DMBT1: variants seen among roughly 807,000 people sequenced by gnomAD.
The protein encoded by DMBT1 is scavenger receptor cysteine-rich domain-containing protein DMBT1.
In DMBT1, 198 loss-of-function variants were observed where a neutral mutation model predicts 252.9. The observed-to-expected ratio is 0.78, with a 90% CI of 0.70 to 0.88. DMBT1 has a LOEUF of 0.88. DMBT1 is among the 40% of genes least tolerant of loss of function. The pLI, the probability that DMBT1 is intolerant of heterozygous loss-of-function variation, is 0.00. For synonymous variants in DMBT1, 990 were observed against 942.7 expected (o/e 1.05, Z -0.92); for missense variants, 2,432 against 2,404.7 (o/e 1.01, Z -0.24).
chr10:122,570,898 T>C lies in DMBT1; in HGVS notation c.148T>C (p.Phe50Leu). The C allele has an allele frequency of 1.2e-6, 2 of 1,613,314 alleles. No homozygotes were observed. Among genetic ancestry groups the C allele is most frequent in the South Asian group, 1.1e-5 (1 of 91,060 alleles). The change falls in exon 4 of 56, where the codon TTT becomes CTT. Residue 50 changes from phenylalanine to leucine, a missense_variant. Physicochemically the swap from Phe to Leu is conservative, Grantham distance 22. Around this residue, in one of 3 missense-constraint regions of DMBT1, gnomAD observed 1,264 missense variants for 1,082.2 expected, o/e 1.17. Transcript: ENST00000338354. ...LDPTVAEGSPFPSESTLESTV... is the reference protein window; with the variant it reads ...LDPTVAEGSPLPSESTLESTV... ...CTTTCTCCACCCTGCAGGTTCTCCA[T>C]TTCCCTCGGAGTCGACCCTGGAGTC...
intron 9 of DMBT1, 132 bp from the exon 10 acceptor site, chr10:122,579,445 CT>C (rs2097745447): frequency 6.5e-7 from 1 of 1,546,466 alleles, no homozygotes; most frequent in Non-Finnish European, 8.8e-7. Context: ...GAAGCCTAGT[CT>C]GTGGTCATAT....
intron 27 of DMBT1, among the ~76,000 whole-genome samples, chr10:122,600,503 A>G (rs2133612715): frequency 6.6e-6 from 1 of 152,294 alleles, no homozygotes; most frequent in East Asian, 1.9e-4. Flanking sequence ...ACTGCTGGAA[A>G]CATTCCGAGA....
At position 122,588,232 on chromosome 10, in the gene DMBT1, G is replaced by C. The variant is rs185003445; in HGVS notation, c.1784-712G>C. Reference sequence around the variant, plus strand: ...TGGACAAATGTTTTTTTCTGAAAATGAGAGGATGAGGGTCAGGGTGGGTCC... The same window carrying C: ...TGGACAAATGTTTTTTTCTGAAAATCAGAGGATGAGGGTCAGGGTGGGTCC... On this transcript the variant is annotated intron_variant, in intron 16 of 55. Coordinates refer to ENST00000338354, the MANE Select transcript of DMBT1 (RefSeq NM_001377530.1). Among the ~76,000 whole-genome samples the C allele has an allele frequency of 3.6e-4, 54 of 148,166 alleles. 6 individuals carry two copies. Among genetic ancestry groups the C allele is most frequent in the Non-Finnish European group, 6.6e-4 (44 of 66,548 alleles).
rs1844283970 is a variant in DMBT1, at chr10:122,640,281, T to C, written c.7184T>C (p.Leu2395Ser). 6.2e-7 allele frequency: 1 copy of C among 1,613,936 alleles called. No individual in the cohort carries two copies. The highest frequency in any genetic ancestry group is 1.3e-5 in the African/African-American group (1 of 74,942). ...TCCTTTTATACTTCCTCATCTTTCTTGTATCCTGTGACCAGCCGCCCTTAC... is the reference window on the plus strand; with the variant it reads ...TCCTTTTATACTTCCTCATCTTTCTCGTATCCTGTGACCAGCCGCCCTTAC... ...NISFYTSSSF[L>S]YPVTSRPYYV... is the part of the protein sequence containing the mutation. Residue 2395 changes from leucine to serine, a missense_variant, in exon 55 of 56, where the codon TTG becomes TCG. Physicochemically the swap from Leu to Ser is moderately radical, Grantham distance 145. Around this residue, in one of 3 missense-constraint regions of DMBT1, gnomAD observed 1,162 missense variants for 1,169.0 expected, o/e 0.99. Transcript: ENST00000338354.
intron 1 of DMBT1, among the ~76,000 whole-genome samples, chr10:122,561,311 T>C (rs2097543559): frequency 6.6e-6 from 1 of 152,190 alleles, no homozygotes; most frequent in Admixed American, 6.5e-5. Context: ...GGTCAAGTAA[T>C]TGAGCGCAGA....
At chr10:122,621,882 C>T (rs2098073310) in intron 44 of DMBT1, among the ~76,000 whole-genome samples, 1 of 152,158 alleles carries the variant, frequency 6.6e-6, no homozygotes, top group Non-Finnish European at 1.5e-5. Flanking sequence ...TGACCTGGGT[C>T]TTGGTCAGTT....
In DMBT1 at chr10:122,590,611, T is replaced by A. The variant is rs2097842183; in HGVS notation, c.2108-54T>A. 3 of 1,574,324 alleles carry A rather than the reference T, an allele frequency of 1.9e-6. No homozygotes were observed. In the Admixed American group the frequency reaches 5.0e-5, roughly 26 times the overall value. On this transcript the variant is annotated intron_variant, in intron 17 of 55. Transcript: ENST00000338354. ...AGTTTAGTTCCTTGTACCTTTGTTC[T>A]GGTTTTGCCAGCTTCTGTATAGTGC...
chr10:122,593,425 A>G, intron 20 of DMBT1, 144 bp from the exon 21 acceptor site: 1 of 1,049,396 alleles, frequency 9.5e-7, no homozygotes, highest in East Asian at 2.6e-5. Flanking sequence ...CTCTGTGGGG[A>G]TGTGCATGGC....
intron 27 of DMBT1, 21 bp downstream of exon 27, chr10:122,600,114 C>T: frequency 6.2e-7 from 1 of 1,604,316 alleles, no homozygotes; most frequent in African/African-American, 1.4e-5. Context: ...AGTGTCCTTC[C>T]TCAAAATGTC....
At chr10:122,599,893 A>G (rs2097924337) in intron 26 of DMBT1, among the ~76,000 whole-genome samples, 171 bp from the exon 27 acceptor site, 2 of 151,686 alleles carry the variant, frequency 1.3e-5, no homozygotes, top group South Asian at 2.1e-4. Context: ...ATCTGCCTCG[A>G]CCCCTTACAT....
Position 122,631,359 on chromosome 10 carries a change from G to A in DMBT1, c.6346+78G>A, listed in dbSNP as rs2098163692. 2.9e-5 allele frequency: 44 copies of A among 1,543,764 alleles called. No individual in the cohort carries two copies. The South Asian group carries it at 4.7e-4, about 17-fold the overall frequency. On this transcript the variant is annotated intron_variant, in intron 49 of 55. Transcript: ENST00000338354. The stretch of plus-strand genomic sequence containing the variant: ...AAGAGCTTAAGGCCAGTGGCTGATG[G>A]TGTCTGTGGCCCAGGCAGGAGCTGG...
chr10:122,631,781 A>C, intron 49 of DMBT1, 74 bp from the exon 50 acceptor site: 6 of 1,518,840 alleles, frequency 4.0e-6, no homozygotes, highest in African/African-American at 1.4e-5. Context: ...ATGTAAGTGT[A>C]TCTCTGTCTC....
At chr10:122,620,379 TG>T (rs1288745886) in intron 43 of DMBT1, 88 bp downstream of exon 43, 3 of 1,494,888 alleles carry the variant, frequency 2.0e-6, no homozygotes, top group Non-Finnish European at 2.8e-6. Flanking sequence ...AGGCTCAAGC[TG>T]GCGCCTCTGT....
Position 122,579,894 on chromosome 10 carries a change from C to T in DMBT1, c.996C>T (p.Ile332=). The stretch of plus-strand genomic sequence containing the variant: ...GCCATAGTGAAGACGCTGGTGTCAT[C>T]TGCTCAGGTGGGCCTTCAAGAACTT... ...NCGHSEDAGV[I]CSAPQSRPTP... Residue 332 remains isoleucine (I), a synonymous_variant, in exon 10 of 56, where the codon ATC becomes ATT. Transcript: ENST00000338354. 1.2e-6 allele frequency: 2 copies of T among 1,613,850 alleles called. No individual in the cohort carries two copies. Among genetic ancestry groups the T allele is most frequent in the Non-Finnish European group, 8.5e-7 (1 of 1,179,776 alleles).
At chr10:122,620,182 TC>T (rs923134788) in intron 42 of DMBT1, 70 bp from the exon 43 acceptor site, 13 of 1,518,624 alleles carry the variant, frequency 8.6e-6, no homozygotes, top group Non-Finnish European at 1.2e-5. Flanking sequence ...CTTGCCTGGT[TC>T]AGAGATTTTT....
At position 122,630,489 on chromosome 10, in the gene DMBT1, C is replaced by A. The variant is rs200827766; in HGVS notation, c.6024C>A (p.Ser2008Arg). Residue 2008 changes from serine to arginine, a missense_variant and splice_region_variant, in exon 48 of 56, where the codon AGC (serine) becomes AGA (arginine). By Grantham distance (110) the Ser-to-Arg change is moderately radical. Around this residue, in one of 3 missense-constraint regions of DMBT1, gnomAD observed 1,162 missense variants for 1,169.0 expected, o/e 0.99. Transcript: ENST00000338354. The stretch of plus-strand genomic sequence containing the variant: ...TGGCTTGGTATAACTCCTTCCCAAG[C>A]GGTAAGTGCACACTAGACCATGCCT... ...GFLAWYNSFP[S>R]DATLRLVNLN... 1.5e-3 allele frequency: 2,420 copies of A among 1,613,874 alleles called. 7 individuals carry two copies. The highest frequency in any genetic ancestry group is 1.9e-3 in the Non-Finnish European group (2,289 of 1,179,826).
At chr10:122,565,868 C>A in intron 1 of DMBT1, 99 bp from the exon 2 acceptor site, 2 of 1,181,232 alleles carry the variant, frequency 1.7e-6, no homozygotes, top group East Asian at 2.5e-5. Context: ...CCACAGCGCC[C>A]TCTGGTGTGA....
chr10:122,597,811 C>G (rs767878322), intron 24 of DMBT1, among the ~76,000 whole-genome samples, 163 bp from the exon 25 acceptor site: 6 of 152,178 alleles, frequency 3.9e-5, no homozygotes, highest in Non-Finnish European at 7.3e-5. Flanking sequence ...ATGACCCTTG[C>G]TGAGCTTGCT....
chr10:122,572,354 A>C lies in DMBT1; in HGVS notation c.228A>C (p.Val76=). The C allele has an allele frequency of 6.2e-7, 1 of 1,613,086 alleles. No individual in the cohort carries two copies. Among genetic ancestry groups the C allele is most frequent in the Non-Finnish European group, 8.5e-7 (1 of 1,179,222 alleles). ...ISLESTLEST[V]AEGSLIPSES... ...TGGAGTCAACCCTGGAGTCAACCGT[A>C]GCAGAAGGTAACGTCTACTATGGGG... Residue 76 remains valine (V), a synonymous_variant, in exon 5 of 56, where the codon GTA becomes GTC. Coordinates refer to ENST00000338354, the MANE Select transcript of DMBT1 (RefSeq NM_001377530.1).
Sources: gnomAD v4.1 joint callset for allele counts (sites outside exome capture counted in the v4.1 genomes callset) on GRCh38, gnomAD v4.1.1 for gene constraint, gnomAD v4.1.1 regional missense constraint, MANE v1.5 for transcripts, NCBI Gene and HGNC (gene_info 2026-07-23, HGNC 2026-07-21) for gene names.